The following GABBR2 variants were observed in gnomAD, a reference collection of about 807,000 sequenced individuals.
GABBR2 encodes the protein G-protein coupled receptor 51.
In GABBR2, 23 loss-of-function variants were observed where a neutral mutation model predicts 105.6. The observed-to-expected ratio is 0.22, with a 90% CI of 0.16 to 0.31. GABBR2 has a LOEUF of 0.31. Among genes scored for constraint, GABBR2 ranks in the 10% least tolerant of loss-of-function variants. GABBR2 has a pLI of 1.00. For missense variants in GABBR2, 734 were observed against 1,245.5 expected (o/e 0.59, Z 6.18); for synonymous variants, 478 against 499.7 (o/e 0.96, Z 0.58).
At chr9:98,476,729 A>C (rs960026336) in intron 5 of GABBR2, among the ~76,000 whole-genome samples, 2 of 152,190 alleles carry the variant, frequency 1.3e-5, no homozygotes, top group Non-Finnish European at 2.9e-5. Context: ...TTGTACTTAG[A>C]CTTTGGATCC....
intron 12 of GABBR2, among the ~76,000 whole-genome samples, chr9:98,367,242 GA>G (rs1381894350): frequency 3.7e-5 from 5 of 135,106 alleles, no homozygotes; most frequent in African/African-American, 8.6e-5. Flanking sequence ...AAACTGCATT[GA>G]AAAAAAGCAA....
At chr9:98,653,719 G>GCA (rs34694230) in intron 1 of GABBR2, among the ~76,000 whole-genome samples, 14,586 of 150,162 alleles carry the variant, frequency 0.097, 848 homozygotes, top group Non-Finnish European at 0.14. Context: ...GAGGTTTTCA[G>GCA]CACACACACA....
intron 8 of GABBR2, among the ~76,000 whole-genome samples, chr9:98,394,898 T>C (rs549629820): frequency 6.6e-6 from 1 of 152,330 alleles, no homozygotes; most frequent in African/African-American, 2.4e-5. Context: ...TGCTATTATA[T>C]GCATCCTTAG....
intron 1 of GABBR2, among the ~76,000 whole-genome samples, chr9:98,601,326 G>T (rs2131804950): frequency 6.6e-6 from 1 of 152,250 alleles, no homozygotes; most frequent in African/African-American, 2.4e-5. Context: ...GGACCAGCCT[G>T]GGCAACACAG....
intron 7 of GABBR2, 148 bp from the exon 8 acceptor site, chr9:98,406,289 A>C (rs896289923): frequency 1.8e-6 from 1 of 548,888 alleles, no homozygotes. Context: ...CCACAGATGA[A>C]AATCAAACTA....
At chr9:98,392,581 C>A (rs1270504803) in intron 9 of GABBR2, among the ~76,000 whole-genome samples, 2 of 152,282 alleles carry the variant, frequency 1.3e-5, no homozygotes, top group East Asian at 3.9e-4. Flanking sequence ...CTGAATCCCT[C>A]AGGTCCAGTG....
At chr9:98,496,719 G>A (rs957054145) in intron 3 of GABBR2, among the ~76,000 whole-genome samples, 5 of 152,158 alleles carry the variant, frequency 3.3e-5, no homozygotes, top group Non-Finnish European at 7.3e-5. Flanking sequence ...CTGACACATG[G>A]ATACAAGGAG....
At chr9:98,466,592 C>T (rs1471342653) in intron 6 of GABBR2, among the ~76,000 whole-genome samples, 1 of 151,940 alleles carries the variant, frequency 6.6e-6, no homozygotes, top group Non-Finnish European at 1.5e-5. Context: ...ATTTGTTGAG[C>T]ACCTACTATG....
At chr9:98,623,976 C>T (rs1054826624) in intron 1 of GABBR2, among the ~76,000 whole-genome samples, 1 of 152,172 alleles carries the variant, frequency 6.6e-6, no homozygotes, top group Non-Finnish European at 1.5e-5. Context: ...TCTCAGGTCT[C>T]ACATGGGGCA....
chr9:98,364,058 C>T (rs943731958), intron 12 of GABBR2, among the ~76,000 whole-genome samples: 10 of 152,110 alleles, frequency 6.6e-5, no homozygotes, highest in Non-Finnish European at 1.0e-4. Context: ...CTTTATGTTA[C>T]CGAATGTAAA....
chr9:98,532,993 AC>A (rs1172586197), intron 3 of GABBR2, among the ~76,000 whole-genome samples: 1 of 152,206 alleles, frequency 6.6e-6, no homozygotes, highest in Non-Finnish European at 1.5e-5. Context: ...CTGGTCCAGA[AC>A]TTTCCACTGA....
chr9:98,514,712 A>G (rs1170661051), intron 3 of GABBR2, among the ~76,000 whole-genome samples: 11 of 147,448 alleles, frequency 7.5e-5, no homozygotes, highest in South Asian at 4.5e-4. Context: ...TGACGAGTTA[A>G]TGGGTGCAGC....
intron 1 of GABBR2, among the ~76,000 whole-genome samples, chr9:98,597,685 G>A (rs1829258212): frequency 6.6e-6 from 1 of 152,086 alleles, no homozygotes; most frequent in Non-Finnish European, 1.5e-5. Flanking sequence ...AGCCACCTGG[G>A]GTGAGGGCAC....
chr9:98,617,697 C>T (rs1388256023), intron 1 of GABBR2, among the ~76,000 whole-genome samples: 2 of 152,150 alleles, frequency 1.3e-5, no homozygotes, highest in East Asian at 3.9e-4. Flanking sequence ...ATCCTAACCA[C>T]TCCTCTAGTG....
chr9:98,448,423 A>C (rs1478053634), intron 7 of GABBR2, among the ~76,000 whole-genome samples: 1 of 152,136 alleles, frequency 6.6e-6, no homozygotes, highest in Admixed American at 6.5e-5. Flanking sequence ...ATGAGAGTCT[A>C]TTAATTTATT....
intron 3 of GABBR2, among the ~76,000 whole-genome samples, chr9:98,536,954 C>G (rs1828193086): frequency 6.6e-6 from 1 of 152,202 alleles, no homozygotes; most frequent in African/African-American, 2.4e-5. Flanking sequence ...ACCGAGGCCA[C>G]CAGGTAGAAT....
intron 7 of GABBR2, among the ~76,000 whole-genome samples, chr9:98,419,439 G>A (rs915627226): frequency 3.3e-5 from 5 of 152,186 alleles, no homozygotes; most frequent in African/African-American, 1.2e-4. Flanking sequence ...TTCTGGGTAG[G>A]AAAGACCATG....
intron 1 of GABBR2, among the ~76,000 whole-genome samples, chr9:98,666,655 G>A (rs1268920810): frequency 6.6e-6 from 1 of 152,180 alleles, no homozygotes; most frequent in African/African-American, 2.4e-5. Context: ...TTACGGGCAT[G>A]AGCCACTGTG....
At chr9:98,697,241 T>C (rs1296716682) in intron 1 of GABBR2, among the ~76,000 whole-genome samples, 1 of 151,956 alleles carries the variant, frequency 6.6e-6, no homozygotes, top group Non-Finnish European at 1.5e-5. Flanking sequence ...CCTGTAATCC[T>C]AGCACTTTGG....
Sources: gnomAD v4.1 joint callset for allele counts (sites outside exome capture counted in the v4.1 genomes callset) on GRCh38, gnomAD v4.1.1 for gene constraint, MANE v1.5 for transcripts, NCBI Gene and HGNC (gene_info 2026-07-23, HGNC 2026-07-21) for gene names.